Variants in ENTREP2 observed in about 807,000 individuals in gnomAD.
ENTREP2 encodes endosomal transmembrane epsin interactor 2.
chr15:29,206,125 A>G, the ENTREP2 span, among the ~76,000 whole-genome samples: 1 of 152,146 alleles, frequency 6.6e-6, no homozygotes, highest in Non-Finnish European at 1.5e-5. Context: ...TAAACAGTAG[A>G]AATTTATTTC....
the ENTREP2 span, chr15:29,123,285 C>A: frequency 6.9e-7 from 1 of 1,456,458 alleles, no homozygotes; most frequent in South Asian, 1.4e-5. Flanking sequence ...TGGCTTCTGC[C>A]AAGAACATCT....
At chr15:29,254,133 G>A in the ENTREP2 span, among the ~76,000 whole-genome samples, 1 of 124,730 alleles carries the variant, frequency 8.0e-6, no homozygotes, top group Non-Finnish European at 1.6e-5. Context: ...AAGAGGCGGG[G>A]AGACTGGCAT....
chr15:29,599,351 G>C, the ENTREP2 span, among the ~76,000 whole-genome samples: 1 of 152,206 alleles, frequency 6.6e-6, no homozygotes, highest in Non-Finnish European at 1.5e-5. Flanking sequence ...CAATGGTGAT[G>C]CTCTAAAGAG....
the ENTREP2 span, among the ~76,000 whole-genome samples, chr15:29,530,370 G>A: frequency 7.7e-4 from 118 of 152,304 alleles, no homozygotes; most frequent in South Asian, 4.3e-3. Context: ...TATGCAAGGA[G>A]TGTTAACCTT....
the ENTREP2 span, among the ~76,000 whole-genome samples, chr15:29,365,817 G>A: frequency 1.6e-4 from 25 of 151,714 alleles, no homozygotes; most frequent in Admixed American, 1.4e-3. Context: ...GGTATCTTCC[G>A]TACCCTCACA....
At chr15:29,152,129 G>T in the ENTREP2 span, among the ~76,000 whole-genome samples, 1 of 152,084 alleles carries the variant, frequency 6.6e-6, no homozygotes, top group Admixed American at 6.5e-5. Context: ...GAAATCATAA[G>T]GTGGCCAACA....
chr15:29,413,379 CT>C, the ENTREP2 span, among the ~76,000 whole-genome samples: 36 of 152,184 alleles, frequency 2.4e-4, no homozygotes, highest in South Asian at 7.2e-3. Context: ...CGATTTCTAC[CT>C]CCATTTTTAT....
the ENTREP2 span, among the ~76,000 whole-genome samples, chr15:29,340,601 CAT>C: frequency 1.2e-4 from 18 of 152,266 alleles, no homozygotes; most frequent in African/African-American, 4.3e-4. Context: ...TAATGCTAAG[CAT>C]ATGTGAAACT....
chr15:29,275,746 T>C, the ENTREP2 span, among the ~76,000 whole-genome samples: 2 of 152,234 alleles, frequency 1.3e-5, no homozygotes, highest in African/African-American at 4.8e-5. Context: ...TCCTCTTCAT[T>C]CATGGTATTT....
chr15:29,164,000 G>A, the ENTREP2 span, among the ~76,000 whole-genome samples: 3 of 152,136 alleles, frequency 2.0e-5, no homozygotes, highest in South Asian at 2.1e-4. Flanking sequence ...GAAGGGATTG[G>A]GGCTCTATCT....
At chr15:29,363,702 A>C in the ENTREP2 span, among the ~76,000 whole-genome samples, 2 of 152,218 alleles carry the variant, frequency 1.3e-5, no homozygotes, top group Admixed American at 1.3e-4. Flanking sequence ...AAGAGAATCC[A>C]ACTAGAATGG....
At chr15:29,528,224 C>G in the ENTREP2 span, among the ~76,000 whole-genome samples, 1 of 151,888 alleles carries the variant, frequency 6.6e-6, no homozygotes, top group South Asian at 2.1e-4. Flanking sequence ...ATTGGGTGGT[C>G]CGTAGTATCA....
chr15:29,283,642 C>G, the ENTREP2 span, among the ~76,000 whole-genome samples: 5 of 152,122 alleles, frequency 3.3e-5, no homozygotes, highest in African/African-American at 1.2e-4. Context: ...CATGTGCCCC[C>G]TAAGAGGGAC....
chr15:29,264,457 A>G, the ENTREP2 span, among the ~76,000 whole-genome samples: 357 of 152,328 alleles, frequency 2.3e-3, 4 homozygotes, highest in South Asian at 8.5e-3. Context: ...AACCAAAGTG[A>G]TCAAGGTTTC....
chr15:29,144,732 G>GA, the ENTREP2 span, among the ~76,000 whole-genome samples: 3 of 151,384 alleles, frequency 2.0e-5, no homozygotes, highest in East Asian at 3.9e-4. Flanking sequence ...CTTGTCTCAG[G>GA]AAAAAACAAA....
the ENTREP2 span, among the ~76,000 whole-genome samples, chr15:29,531,720 C>G: frequency 6.6e-6 from 1 of 152,230 alleles, no homozygotes; most frequent in Non-Finnish European, 1.5e-5. Context: ...GACTGCAGCG[C>G]AGTGGCGCAA....
At chr15:29,407,842 G>T in the ENTREP2 span, among the ~76,000 whole-genome samples, 64 of 151,522 alleles carry the variant, frequency 4.2e-4, 1 homozygote, top group South Asian at 4.6e-3. Flanking sequence ...ATTTTTTGGG[G>T]TTTTTTTTGC....
At chr15:29,314,565 G>C in the ENTREP2 span, among the ~76,000 whole-genome samples, 6 of 152,114 alleles carry the variant, frequency 3.9e-5, no homozygotes, top group African/African-American at 1.4e-4. Context: ...CATATGCTGT[G>C]GCACACTTAA....
At chr15:29,421,431 G>C in the ENTREP2 span, among the ~76,000 whole-genome samples, 5 of 152,114 alleles carry the variant, frequency 3.3e-5, no homozygotes, top group Non-Finnish European at 7.4e-5. Context: ...ATTAATCAAA[G>C]ATAGCAGAAT....
Sources: allele counts gnomAD v4.1 joint callset (sites outside exome capture counted in the v4.1 genomes callset), GRCh38; gene constraint gnomAD v4.1.1; transcripts MANE v1.5; gene names NCBI Gene and HGNC (gene_info 2026-07-23, HGNC 2026-07-21).